RICTOR: variants seen among roughly 807,000 people sequenced by gnomAD.
RICTOR encodes rapamycin-insensitive companion of mTOR.
A neutral mutation model predicts 214.9 loss-of-function variants in RICTOR; 49 were observed. The ratio of observed to expected loss-of-function variants is 0.23; its 90% confidence interval spans 0.18 to 0.29. The LOEUF is 0.29. RICTOR is among the 10% of genes least tolerant of loss of function. RICTOR has a pLI of 1.00. For synonymous variants in RICTOR, 717 were observed against 711.3 expected, an observed-to-expected ratio of 1.01 and a Z score of -0.13; for missense variants, 1,625 against 2,047.0, an observed-to-expected ratio of 0.79 and a Z score of 3.98.
chr5:38,954,984 T>C (rs1749132132), intron 26 of RICTOR, 123 bp from the exon 27 acceptor site: 6 of 491,602 alleles, frequency 1.2e-5, no homozygotes, highest in Non-Finnish European at 2.1e-5. Context: ...TAAATAAAAA[T>C]ATGAAAGTAA....
In RICTOR at chr5:38,941,474, A is replaced by C. The variant is rs1747565687; in HGVS notation, c.*830T>G. 1 of 231,696 alleles carries C rather than the reference A, an allele frequency of 4.3e-6. No individual in the cohort carries two copies. The highest frequency in any genetic ancestry group is 2.2e-5 in the African/African-American group (1 of 45,276). 14.4% of individuals were successfully genotyped at this position (231,696 alleles called of 1,614,324 possible). A position where few individuals can be genotyped will look rare whatever the true frequency, so the allele number is the denominator to read the frequency against. On this transcript the variant is annotated 3_prime_UTR_variant, in exon 38 of 38. Transcript: ENST00000357387. ...ACAGTGCTTGTTCAAGTTCCTGTTT[A>C]AAGCGATGAGATGGAAAGTTGATGA... is the stretch of plus-strand genomic sequence containing the variant.
At chr5:39,052,676 T>C (rs1285627465) in intron 2 of RICTOR, among the ~76,000 whole-genome samples, 1 of 152,224 alleles carries the variant, frequency 6.6e-6, no homozygotes, top group Non-Finnish European at 1.5e-5. Context: ...GGAAGATTAC[T>C]GACTAGTTTA....
At chr5:38,981,201 T>C (rs1751691604) in intron 8 of RICTOR, 1 of 152,202 alleles carries the variant, frequency 6.6e-6, no homozygotes, top group Admixed American at 6.5e-5. Flanking sequence ...CATGATTTCA[T>C]ACCTAAATAC....
At chr5:39,040,218 CA>C (rs1439138093) in intron 2 of RICTOR, among the ~76,000 whole-genome samples, 1 of 148,964 alleles carries the variant, frequency 6.7e-6, no homozygotes, top group Non-Finnish European at 1.5e-5. Context: ...ATTGCAAGGA[CA>C]AAAAACCAAA....
At position 38,947,322 on chromosome 5, in the gene RICTOR, C is replaced by G; in HGVS notation, c.4256G>C (p.Gly1419Ala). 1 of 1,612,998 alleles carries G rather than the reference C, an allele frequency of 6.2e-7. No homozygotes were observed. Among genetic ancestry groups the G allele is most frequent in the Non-Finnish European group, 8.5e-7 (1 of 1,179,268 alleles). ...AAGACCAATGTAATCATCTGAACCC[C>G]CATATGTGGCACTGGACACCATGGA... ...VRSMVSSATY[G>A]GSDDYIGLAL... The change falls in exon 32 of 38, where the codon GGG becomes GCG. Residue 1419 changes from glycine to alanine, a missense_variant. Around this residue, in one of 5 missense-constraint regions of RICTOR, gnomAD observed 1,214 missense variants for 1,470.5 expected, o/e 0.83. Transcript: ENST00000357387.
intron 3 of RICTOR, among the ~76,000 whole-genome samples, chr5:39,009,596 T>C (rs1754335554): frequency 6.6e-6 from 1 of 152,128 alleles, no homozygotes; most frequent in Non-Finnish European, 1.5e-5. Flanking sequence ...AATTCAATAA[T>C]GGTTAAATTT....
At chr5:38,952,491 G>T in intron 29 of RICTOR, 66 bp from the exon 30 acceptor site, 1 of 1,089,624 alleles carries the variant, frequency 9.2e-7, no homozygotes, top group Non-Finnish European at 1.4e-6. Context: ...AGCCACCACA[G>T]ATTAATTTGC....
intron 2 of RICTOR, 56 bp downstream of exon 2, chr5:39,074,055 G>A (rs1429666334): frequency 7.0e-6 from 10 of 1,419,048 alleles, no homozygotes; most frequent in Admixed American, 2.5e-5. Context: ...CCCAGCCCCG[G>A]ACCCGGCTCC....
chr5:38,966,935 G>T (rs573149715), intron 14 of RICTOR: 1 of 594,570 alleles, frequency 1.7e-6, no homozygotes, highest in Admixed American at 3.1e-5. Flanking sequence ...TGAGTAGCTG[G>T]GACTACAGGG....
In RICTOR at chr5:39,035,055, A is replaced by C. The variant is rs556477033; in HGVS notation, c.98-13919T>G. The stretch of plus-strand genomic sequence containing the variant: ...CTGACCCCTGACCCCTGAGCAGCCT[A>C]ACTGGGAGGCACCCTCCAGCAGGGG... On this transcript the variant is annotated intron_variant, in intron 2 of 37. Transcript: ENST00000357387. Among the ~76,000 whole-genome samples the C allele has an allele frequency of 2.0e-5, 3 of 152,326 alleles. No individual in the cohort carries two copies. In the South Asian group the frequency reaches 6.2e-4, roughly 32 times the overall value.
chr5:39,072,875 C>T (rs1159392875), intron 2 of RICTOR, among the ~76,000 whole-genome samples: 2 of 152,072 alleles, frequency 1.3e-5, no homozygotes, highest in Non-Finnish European at 2.9e-5. Flanking sequence ...AAACTAAGTC[C>T]CTGAACTTTC....
chr5:39,054,633 A>C (rs1580203313), intron 2 of RICTOR, among the ~76,000 whole-genome samples: 1 of 152,334 alleles, frequency 6.6e-6, no homozygotes, highest in South Asian at 2.1e-4. Flanking sequence ...TTGTCAGTCT[A>C]CCTTAACCAT....
intron 5 of RICTOR, 43 bp from the exon 6 acceptor site, chr5:38,996,925 A>T: frequency 7.2e-7 from 1 of 1,388,748 alleles, no homozygotes. Context: ...AAATTCTATT[A>T]AACAACTTTT....
intron 3 of RICTOR, among the ~76,000 whole-genome samples, chr5:39,020,754 C>T (rs1755358385): frequency 6.6e-6 from 1 of 152,062 alleles, no homozygotes; most frequent in Non-Finnish European, 1.5e-5. Flanking sequence ...GAGTAGAAGG[C>T]AAAAGAAATA....
At chr5:38,976,355 A>C (rs935050099) in intron 9 of RICTOR, among the ~76,000 whole-genome samples, 1 of 151,704 alleles carries the variant, frequency 6.6e-6, no homozygotes, top group Non-Finnish European at 1.5e-5. Flanking sequence ...GGTTGTGAGC[A>C]TACAAAAAAA....
chr5:39,051,847 T>C (rs1480669713), intron 2 of RICTOR, among the ~76,000 whole-genome samples: 4 of 152,060 alleles, frequency 2.6e-5, no homozygotes, highest in Middle Eastern at 3.2e-3. Flanking sequence ...AAAAAAGGAG[T>C]GATATGCTAA....
intron 21 of RICTOR, 84 bp from the exon 22 acceptor site, chr5:38,959,405 C>T (rs1004595423): frequency 2.6e-6 from 2 of 776,814 alleles, no homozygotes; most frequent in Admixed American, 3.1e-5. Flanking sequence ...TCCAGCTTTA[C>T]TGAAGTATAA....
intron 19 of RICTOR, 43 bp downstream of exon 19, chr5:38,962,272 A>G: frequency 1.1e-6 from 1 of 951,982 alleles, no homozygotes; most frequent in Non-Finnish European, 1.6e-6. Flanking sequence ...TAATATCCAT[A>G]TTTAAGTTCT....
At chr5:38,994,653 G>T (rs1753045494) in intron 6 of RICTOR, among the ~76,000 whole-genome samples, 2 of 152,086 alleles carry the variant, frequency 1.3e-5, no homozygotes, top group South Asian at 4.1e-4. Context: ...CAAATGGTAT[G>T]TGAGTCAACT....
Sources: gnomAD v4.1 joint callset for allele counts (sites outside exome capture counted in the v4.1 genomes callset) on GRCh38, gnomAD v4.1.1 for gene constraint, gnomAD v4.1.1 regional missense constraint, MANE v1.5 for transcripts, NCBI Gene and HGNC (gene_info 2026-07-23, HGNC 2026-07-21) for gene names.